The following FRMD3 variants were observed in gnomAD, a reference collection of about 807,000 sequenced individuals.
The protein encoded by FRMD3 is FERM domain-containing protein 3.
In FRMD3, 33 loss-of-function variants were observed where a neutral mutation model predicts 70.2. That is an observed-to-expected ratio of 0.47 (90% confidence interval 0.36 to 0.63). The LOEUF is 0.63. Ranked by LOEUF, FRMD3 falls within the 20% of genes least tolerant of loss-of-function variation. The probability of loss-of-function intolerance (pLI) is 0.00; values close to 1 mark genes in which losing one functional copy is unlikely to be tolerated. For synonymous variants in FRMD3, 279 were observed against 255.9 expected, an observed-to-expected ratio of 1.09 and a Z score of -0.86; for missense variants, 632 against 711.4, an observed-to-expected ratio of 0.89 and a Z score of 1.27.
chr9:83,424,324 C>G (rs535251261), intron 1 of FRMD3, among the ~76,000 whole-genome samples: 19 of 152,358 alleles, frequency 1.2e-4, no homozygotes, highest in African/African-American at 4.6e-4. Flanking sequence ...TTTCCCTTGT[C>G]TACCCTTCCA....
chr9:83,310,644 A>G (rs1835317571), intron 8 of FRMD3, 96 bp from the exon 9 acceptor site: 2 of 862,876 alleles, frequency 2.3e-6, no homozygotes, highest in Non-Finnish European at 3.7e-6. Context: ...AATGCCAGGC[A>G]GATTGCAGTG....
At chr9:83,428,032 T>C (rs1428322149) in intron 1 of FRMD3, among the ~76,000 whole-genome samples, 1 of 152,096 alleles carries the variant, frequency 6.6e-6, no homozygotes, top group African/African-American at 2.4e-5. Flanking sequence ...TACTTCTGCT[T>C]CTAGATGGAA....
At chr9:83,465,857 G>A (rs113222848) in intron 1 of FRMD3, among the ~76,000 whole-genome samples, 7 of 152,246 alleles carry the variant, frequency 4.6e-5, no homozygotes, top group African/African-American at 1.4e-4. Context: ...AATTTAATTT[G>A]AGAAAGTCTT....
At chr9:83,307,380 C>T (rs1485992810) in intron 10 of FRMD3, among the ~76,000 whole-genome samples, 9 of 152,208 alleles carry the variant, frequency 5.9e-5, no homozygotes, top group Admixed American at 1.3e-4. Context: ...AGCAGCATTA[C>T]TCATAGTAGC....
intron 13 of FRMD3, among the ~76,000 whole-genome samples, chr9:83,260,947 A>G (rs1832956849): frequency 6.6e-6 from 1 of 152,064 alleles, no homozygotes; most frequent in Non-Finnish European, 1.5e-5. Context: ...TCCAGATGAG[A>G]GTTTTTACTT....
At chr9:83,487,896 A>G (rs1360697157) in intron 1 of FRMD3, among the ~76,000 whole-genome samples, 3 of 152,322 alleles carry the variant, frequency 2.0e-5, no homozygotes, top group African/African-American at 7.2e-5. Flanking sequence ...AATATCTTTA[A>G]TCAGAACCTT....
intron 1 of FRMD3, among the ~76,000 whole-genome samples, chr9:83,442,976 T>C (rs1324248028): frequency 1.3e-5 from 2 of 152,190 alleles, no homozygotes; most frequent in African/African-American, 4.8e-5. Context: ...CATTAATCTA[T>C]GGAGATATGA....
At chr9:83,479,887 A>G (rs1430032986) in intron 1 of FRMD3, among the ~76,000 whole-genome samples, 1 of 152,072 alleles carries the variant, frequency 6.6e-6, no homozygotes, top group Non-Finnish European at 1.5e-5. Flanking sequence ...AGTCAAGGCC[A>G]CAGTGAGATA....
the FRMD3 span, among the ~76,000 whole-genome samples, chr9:83,553,349 C>A: frequency 2.0e-5 from 3 of 152,144 alleles, no homozygotes; most frequent in South Asian, 6.2e-4. Context: ...CAGCTGTTAA[C>A]CTCATGGGGT....
chr9:83,269,982 A>T (rs1358978102), intron 13 of FRMD3, among the ~76,000 whole-genome samples: 2 of 152,108 alleles, frequency 1.3e-5, no homozygotes, highest in African/African-American at 2.4e-5. Context: ...ACCTTGTCTG[A>T]CTCTGCCCAC....
intron 1 of FRMD3, among the ~76,000 whole-genome samples, chr9:83,483,301 A>G (rs10868018): frequency 0.71 from 107,950 of 152,032 alleles, 38,976 homozygotes; most frequent in African/African-American, 0.84. Flanking sequence ...TAAGTTTCCT[A>G]AGGCCTTCCC....
chr9:83,420,647 C>A (rs1054020956), intron 1 of FRMD3, among the ~76,000 whole-genome samples: 2 of 152,098 alleles, frequency 1.3e-5, no homozygotes, highest in Non-Finnish European at 2.9e-5. Flanking sequence ...AAATATGAGT[C>A]CCAGTGTTGG....
chr9:83,516,663 A>G (rs1004902892), intron 1 of FRMD3, among the ~76,000 whole-genome samples: 1 of 152,196 alleles, frequency 6.6e-6, no homozygotes, highest in Non-Finnish European at 1.5e-5. Flanking sequence ...AAACAACAGA[A>G]TATACATTCT....
chr9:83,493,932 C>A (rs1008487714), intron 1 of FRMD3, among the ~76,000 whole-genome samples: 8 of 152,342 alleles, frequency 5.3e-5, no homozygotes, highest in Admixed American at 4.6e-4. Flanking sequence ...CGCCTCCCAC[C>A]AGCCTTAGTG....
intron 4 of FRMD3, among the ~76,000 whole-genome samples, chr9:83,344,913 C>A (rs1378446926): frequency 3.3e-5 from 5 of 150,858 alleles, no homozygotes; most frequent in African/African-American, 4.9e-5. Flanking sequence ...TCTCTAGCGC[C>A]CAAGTAATTT....
At chr9:83,497,561 G>A (rs971077998) in intron 1 of FRMD3, among the ~76,000 whole-genome samples, 4 of 152,206 alleles carry the variant, frequency 2.6e-5, no homozygotes, top group Non-Finnish European at 4.4e-5. Flanking sequence ...CCAAATACCC[G>A]TGGGCTCCTC....
chr9:83,442,079 C>A (rs1427927471), intron 1 of FRMD3, among the ~76,000 whole-genome samples: 1 of 152,086 alleles, frequency 6.6e-6, no homozygotes. Flanking sequence ...CACTTATCAG[C>A]CGAGTGATCT....
intron 1 of FRMD3, among the ~76,000 whole-genome samples, chr9:83,500,139 T>C (rs1262342116): frequency 6.6e-6 from 1 of 152,146 alleles, no homozygotes; most frequent in African/African-American, 2.4e-5. Flanking sequence ...GCAGAGAAAC[T>C]ATCCTGTATA....
intron 3 of FRMD3, among the ~76,000 whole-genome samples, chr9:83,355,682 T>C (rs931445616): frequency 6.6e-6 from 1 of 152,158 alleles, no homozygotes; most frequent in Non-Finnish European, 1.5e-5. Context: ...TGTGAGATTG[T>C]GTTCTGTTGA....
Sources: gnomAD v4.1 joint callset for allele counts (sites outside exome capture counted in the v4.1 genomes callset) on GRCh38, gnomAD v4.1.1 for gene constraint, MANE v1.5 for transcripts, NCBI Gene and HGNC (gene_info 2026-07-23, HGNC 2026-07-21) for gene names.